Variants in NAV2 observed in about 807,000 individuals in gnomAD.
The protein encoded by NAV2 is helicase, APC down-regulated 1.
Under a neutral mutation model 223.2 loss-of-function variants are expected in NAV2, and 54 were observed. That is an observed-to-expected ratio of 0.24 (90% confidence interval 0.19 to 0.30). The LOEUF (loss-of-function observed/expected upper bound fraction) is 0.30, where lower values mean the gene tolerates loss of function less well. NAV2 is among the 10% of genes least tolerant of loss of function. The pLI is 1.00. For synonymous variants in NAV2, 1,279 were observed against 1,239.3 expected, an observed-to-expected ratio of 1.03 and a Z score of -0.67; for missense variants, 2,806 against 3,147.5, an observed-to-expected ratio of 0.89 and a Z score of 2.60.
intron 1 of NAV2, among the ~76,000 whole-genome samples, chr11:19,556,088 G>A (rs917551552): frequency 1.3e-5 from 2 of 152,084 alleles, no homozygotes; most frequent in Non-Finnish European, 2.9e-5. Flanking sequence ...GCAGCTCCCC[G>A]GGGACCAGGA....
upstream of NAV2, among the ~76,000 whole-genome samples, chr11:19,348,759 C>T (rs117179082): frequency 2.4e-4 from 36 of 152,310 alleles, 1 homozygote; most frequent in East Asian, 6.8e-3. Context: ...TGTGTGGTAT[C>T]ATTCTCCTCA....
chr11:19,892,456 G>A lies in NAV2; in HGVS notation c.793G>A (p.Val265Ile). 1 of 1,614,016 alleles carries A rather than the reference G, an allele frequency of 6.2e-7. No individual in the cohort carries two copies. Among genetic ancestry groups the A allele is most frequent in the Non-Finnish European group, 8.5e-7 (1 of 1,179,970 alleles). Residue 265 changes from valine to isoleucine, a missense_variant, in exon 6 of 38, where the codon GTA becomes ATA. By Grantham distance (29) the Val-to-Ile change is conservative (BLOSUM62 3). This residue lies in a region of NAV2 where 1,167 missense variants were observed against 1,180.5 expected (regional missense o/e 0.99). Transcript: ENST00000349880. Reference protein sequence around the residue: ...QSRLPGPTARVSAAGSEAKTR... With the variant: ...QSRLPGPTARISAAGSEAKTR... ...TAGACTTCCAGGTCCTACCGCGAGGGTATCCGCTGCAGGCAGCGAGGCCAA... is the reference window on the plus strand; with the variant it reads ...TAGACTTCCAGGTCCTACCGCGAGGATATCCGCTGCAGGCAGCGAGGCCAA...
At chr11:20,037,066 C>G (rs1430128492) in intron 12 of NAV2, among the ~76,000 whole-genome samples, 5 of 152,220 alleles carry the variant, frequency 3.3e-5, no homozygotes, top group Non-Finnish European at 7.4e-5. Context: ...TGGGACTGAC[C>G]AGCACCAGAA....
intron 1 of NAV2, among the ~76,000 whole-genome samples, chr11:19,640,701 T>G (rs952660686): frequency 2.6e-5 from 4 of 152,174 alleles, no homozygotes; most frequent in African/African-American, 4.8e-5. Flanking sequence ...AGTCCAGTGT[T>G]CTGGGCAGGT....
intron 2 of NAV2, among the ~76,000 whole-genome samples, chr11:19,834,884 A>G (rs890165723): frequency 6.6e-6 from 1 of 152,202 alleles, no homozygotes; most frequent in Non-Finnish European, 1.5e-5. Context: ...GTCTTATGAA[A>G]TTCAAGTTAG....
intron 24 of NAV2, among the ~76,000 whole-genome samples, chr11:20,078,691 C>G (rs992910584): frequency 1.3e-5 from 2 of 152,186 alleles, no homozygotes; most frequent in African/African-American, 4.8e-5. Context: ...CTCCTGTCCT[C>G]AAGCAATCCG....
intron 4 of NAV2, among the ~76,000 whole-genome samples, chr11:19,869,976 T>C (rs2062371688): frequency 6.6e-6 from 1 of 152,168 alleles, no homozygotes; most frequent in East Asian, 1.9e-4. Flanking sequence ...TGAGTGGTAG[T>C]CTCTCCTGGT....
intron 1 of NAV2, among the ~76,000 whole-genome samples, chr11:19,739,016 A>G (rs2052572268): frequency 7.1e-6 from 1 of 139,876 alleles, no homozygotes; most frequent in African/African-American, 2.8e-5. Context: ...CGCCATCACT[A>G]CAAAAAATAC....
intron 8 of NAV2, among the ~76,000 whole-genome samples, chr11:19,940,586 A>G (rs1215045044): frequency 6.6e-6 from 1 of 152,182 alleles, no homozygotes; most frequent in Non-Finnish European, 1.5e-5. Context: ...ATATCTTACC[A>G]CTTCCACAGT....
intron 11 of NAV2, among the ~76,000 whole-genome samples, chr11:19,988,202 A>T (rs1366926410): frequency 6.6e-6 from 1 of 152,214 alleles, no homozygotes; most frequent in East Asian, 1.9e-4. Flanking sequence ...CCTGTGTTTT[A>T]GCACACAACG....
intron 1 of NAV2, among the ~76,000 whole-genome samples, chr11:19,536,350 T>A (rs1271151273): frequency 2.0e-5 from 3 of 152,146 alleles, no homozygotes; most frequent in Non-Finnish European, 4.4e-5. Context: ...GACTGAAGTG[T>A]CCCCACTTGA....
upstream of NAV2, among the ~76,000 whole-genome samples, chr11:19,349,102 C>A (rs576894739): frequency 6.6e-6 from 1 of 152,300 alleles, no homozygotes; most frequent in Non-Finnish European, 1.5e-5. Flanking sequence ...GTCATTCTGT[C>A]TATAATGTCA....
In NAV2 at chr11:19,766,272, G is replaced by T. The variant is rs547315577; in HGVS notation, c.267+52310G>T. Among the ~76,000 whole-genome samples the T allele has an allele frequency of 2.6e-5, 4 of 152,242 alleles. 1 individual carries two copies. The highest frequency in any genetic ancestry group is 9.6e-5 in the African/African-American group (4 of 41,534). Reference sequence around the variant, plus strand: ...GTAATGCAAAGAGGAATCGGATGAAGGTGCCAAGCAGTGCTTGGGGTGGCT... The same window carrying T: ...GTAATGCAAAGAGGAATCGGATGAATGTGCCAAGCAGTGCTTGGGGTGGCT... On this transcript the variant is annotated intron_variant, in intron 1 of 37. Coordinates refer to ENST00000349880, the MANE Select transcript of NAV2 (RefSeq NM_145117.5).
intron 1 of NAV2, among the ~76,000 whole-genome samples, chr11:19,731,384 A>G (rs2051757746): frequency 6.6e-6 from 1 of 152,210 alleles, no homozygotes; most frequent in Non-Finnish European, 1.5e-5. Flanking sequence ...GTGACTATTT[A>G]CTGAGCACCT....
intron 1 of NAV2, among the ~76,000 whole-genome samples, chr11:19,485,699 G>A: frequency 6.6e-6 from 1 of 151,484 alleles, no homozygotes; most frequent in South Asian, 2.1e-4. Flanking sequence ...GAGGTAGGAT[G>A]AGTTTTTATA....
intron 1 of NAV2, among the ~76,000 whole-genome samples, chr11:19,685,052 G>C (rs955045066): frequency 6.6e-6 from 1 of 152,176 alleles, no homozygotes; most frequent in African/African-American, 2.4e-5. Flanking sequence ...GTTTGGGGCA[G>C]GATGAGAGCA....
chr11:19,399,416 T>C (rs2133293516), intron 1 of NAV2, among the ~76,000 whole-genome samples: 1 of 152,342 alleles, frequency 6.6e-6, no homozygotes, highest in South Asian at 2.1e-4. Flanking sequence ...ATGTACTCCT[T>C]AGCTGTCATA....
At chr11:19,970,773 G>A (rs1469477998) in intron 10 of NAV2, among the ~76,000 whole-genome samples, 1 of 152,154 alleles carries the variant, frequency 6.6e-6, no homozygotes, top group Admixed American at 6.5e-5. Flanking sequence ...AAAAACCTTA[G>A]TGACTACTTT....
At chr11:19,589,202 A>G (rs1466580320) in intron 1 of NAV2, among the ~76,000 whole-genome samples, 1 of 152,220 alleles carries the variant, frequency 6.6e-6, no homozygotes, top group African/African-American at 2.4e-5. Context: ...TATCAATTTA[A>G]TGACAGAATT....
Sources: gnomAD v4.1 joint callset for allele counts (sites outside exome capture counted in the v4.1 genomes callset) on GRCh38, gnomAD v4.1.1 for gene constraint, gnomAD v4.1.1 regional missense constraint, MANE v1.5 for transcripts, NCBI Gene and HGNC (gene_info 2026-07-23, HGNC 2026-07-21) for gene names.